Variants in EFL1 observed in about 807,000 individuals in gnomAD.
EFL1 encodes elongation factor like GTPase 1.
In EFL1, 76 loss-of-function variants were observed where a neutral mutation model predicts 126.7. The observed-to-expected ratio is 0.60, with a 90% confidence interval of 0.50 to 0.73. The LOEUF is 0.73. Among genes scored for constraint, EFL1 ranks in the 30% least tolerant of loss-of-function variants. The probability of loss-of-function intolerance (pLI) is 0.00; values close to 1 mark genes in which losing one functional copy is unlikely to be tolerated. For synonymous variants in EFL1, 410 were observed against 448.4 expected (o/e 0.91, Z 1.08); for missense variants, 1,128 against 1,343.2 (o/e 0.84, Z 2.50).
intron 11 of EFL1, among the ~76,000 whole-genome samples, chr15:82,226,677 A>T (rs2074767598): frequency 6.6e-6 from 1 of 152,226 alleles, no homozygotes; most frequent in South Asian, 2.1e-4. Context: ...CAGAAAACAG[A>T]CATGCTCTGA....
At position 82,228,272 on chromosome 15, in the gene EFL1, G is replaced by A. The variant is rs566346092; in HGVS notation, c.988C>T (p.Arg330Trp). The A allele has an allele frequency of 3.0e-5, 49 of 1,613,914 alleles. No individual in the cohort carries two copies. In the African/African-American group the frequency reaches 4.5e-4, roughly 15 times the overall value. The change falls in exon 10 of 20, where the codon CGG becomes TGG. Residue 330 changes from arginine (R) to tryptophan (W), a missense_variant. Physicochemically the swap from Arg to Trp is moderately radical, Grantham distance 101. Coordinates refer to ENST00000268206, the MANE Select transcript of EFL1 (RefSeq NM_024580.6). Reference sequence around the variant, plus strand: ...TTAGGGTCTGAATGTCGTGCCTCCCGGGCTCCAATTTTTAATCCTAAAGAA... The same window carrying A: ...TTAGGGTCTGAATGTCGTGCCTCCCAGGCTCCAATTTTTAATCCTAAAGAA... ...VTSLGLKIGA[R>W]EARHSDPKVQ...
intron 17 of EFL1, among the ~76,000 whole-genome samples, chr15:82,155,634 C>T (rs946691118): frequency 6.6e-6 from 1 of 152,224 alleles, no homozygotes; most frequent in Admixed American, 6.5e-5. Flanking sequence ...GCCTATCTCC[C>T]ATCTTAGCAG....
chr15:82,235,236 G>C (rs1267673061), intron 7 of EFL1, among the ~76,000 whole-genome samples: 1 of 152,296 alleles, frequency 6.6e-6, no homozygotes, highest in South Asian at 2.1e-4. Flanking sequence ...TTTCAAAGGA[G>C]TGTTGTCAGA....
chr15:82,199,320 A>C (rs1007092923), intron 15 of EFL1, among the ~76,000 whole-genome samples: 2 of 150,516 alleles, frequency 1.3e-5, no homozygotes, highest in Admixed American at 1.3e-4. Flanking sequence ...GTTGAGAAAG[A>C]GAGAGAGAGA....
intron 14 of EFL1, among the ~76,000 whole-genome samples, chr15:82,216,355 T>C (rs566772410): frequency 7.9e-5 from 12 of 152,286 alleles, no homozygotes; most frequent in African/African-American, 2.9e-4. Context: ...CAACAGGGCT[T>C]TTCATAGAAG....
chr15:82,141,355 T>A (rs2073784351), intron 18 of EFL1, among the ~76,000 whole-genome samples: 1 of 152,156 alleles, frequency 6.6e-6, no homozygotes, highest in South Asian at 2.1e-4. Flanking sequence ...TAATCTTTAC[T>A]CCCCTATCTC....
intron 12 of EFL1, 55 bp from the exon 13 acceptor site, chr15:82,220,284 A>C (rs2074697991): frequency 6.6e-7 from 1 of 1,520,996 alleles, no homozygotes; most frequent in Non-Finnish European, 8.8e-7. Context: ...GTAGGGAAAC[A>C]GCAAGCATTG....
chr15:82,221,070 T>G (rs2074706911), intron 12 of EFL1, among the ~76,000 whole-genome samples: 1 of 152,062 alleles, frequency 6.6e-6, no homozygotes, highest in Non-Finnish European at 1.5e-5. Context: ...GCTGATAGAT[T>G]AACAGCATCT....
At chr15:82,145,656 A>G (rs184745620) in intron 18 of EFL1, among the ~76,000 whole-genome samples, 1 of 151,616 alleles carries the variant, frequency 6.6e-6, no homozygotes, top group East Asian at 1.9e-4. Context: ...ACAAGGTGAA[A>G]CCCCCATCTC....
At chr15:82,228,364 TA>T in intron 9 of EFL1, 37 bp from the exon 10 acceptor site, 1 of 1,598,512 alleles carries the variant, frequency 6.3e-7, no homozygotes, top group Non-Finnish European at 8.5e-7. Flanking sequence ...GGAAATGTCA[TA>T]TGCAGATATA....
chr15:82,210,889 C>T (rs536345844), intron 15 of EFL1, among the ~76,000 whole-genome samples: 2 of 150,944 alleles, frequency 1.3e-5, no homozygotes, highest in Admixed American at 6.6e-5. Flanking sequence ...ATAGACACCA[C>T]GTGGAAGAGA....
At chr15:82,191,180 A>C (rs2074355835) in intron 15 of EFL1, among the ~76,000 whole-genome samples, 1 of 152,168 alleles carries the variant, frequency 6.6e-6, no homozygotes, top group African/African-American at 2.4e-5. Context: ...TGCATTATTC[A>C]CATTGCAGTA....
At chr15:82,202,707 T>A (rs1282347714) in intron 15 of EFL1, among the ~76,000 whole-genome samples, 3 of 152,146 alleles carry the variant, frequency 2.0e-5, no homozygotes, top group Admixed American at 2.0e-4. Flanking sequence ...ACCCAAAATA[T>A]TCTATTTCCA....
At chr15:82,161,231 A>T (rs2074021291) in intron 16 of EFL1, among the ~76,000 whole-genome samples, 1 of 152,234 alleles carries the variant, frequency 6.6e-6, no homozygotes. Flanking sequence ...TTCAAGAAAA[A>T]CAATGAATGT....
intron 15 of EFL1, among the ~76,000 whole-genome samples, chr15:82,191,588 A>AGAAAATAGTGAG (rs1239608354): frequency 1.7e-4 from 26 of 149,626 alleles, no homozygotes; most frequent in African/African-American, 3.5e-4. Context: ...GGATGAGGGC[A>AGAAAATAGTGAG]AGCACTCATC....
intron 12 of EFL1, among the ~76,000 whole-genome samples, chr15:82,222,802 T>C (rs1467377554): frequency 6.6e-6 from 1 of 152,236 alleles, no homozygotes; most frequent in Non-Finnish European, 1.5e-5. Flanking sequence ...ATTTAGGCTA[T>C]AGTTAAACTA....
intron 19 of EFL1, among the ~76,000 whole-genome samples, chr15:82,136,448 A>G (rs1567035800): frequency 6.6e-6 from 1 of 152,252 alleles, no homozygotes; most frequent in Non-Finnish European, 1.5e-5. Context: ...AGTAACGCCA[A>G]TGAAGAAAGC....
At chr15:82,132,720 G>A (rs548996936) in intron 19 of EFL1, among the ~76,000 whole-genome samples, 9 of 148,712 alleles carry the variant, frequency 6.1e-5, no homozygotes, top group South Asian at 2.2e-4. Context: ...AGACAAGGGC[G>A]AATGGATGGA....
At chr15:82,256,973 A>C (rs1456548373) in intron 3 of EFL1, among the ~76,000 whole-genome samples, 3 of 152,198 alleles carry the variant, frequency 2.0e-5, no homozygotes, top group Non-Finnish European at 4.4e-5. Flanking sequence ...TGCTATCTTC[A>C]TATGATTTGG....
Sources: gnomAD v4.1 joint callset for allele counts (sites outside exome capture counted in the v4.1 genomes callset) on GRCh38, gnomAD v4.1.1 for gene constraint, MANE v1.5 for transcripts, NCBI Gene and HGNC (gene_info 2026-07-23, HGNC 2026-07-21) for gene names.